Variants in FHIT observed in about 807,000 individuals in gnomAD.
The protein encoded by FHIT is bis(5'-adenosyl)-triphosphatase.
FHIT carries 19 observed loss-of-function variants against 17.9 expected under a neutral mutation model. The observed-to-expected ratio is 1.06, with a 90% CI of 0.74 to 1.56. The LOEUF is 1.56. Ranked by LOEUF, FHIT falls within the 40% of genes most tolerant of loss-of-function variation. The pLI is 0.00. For missense variants in FHIT, 248 were observed against 189.2 expected (o/e 1.31, Z -1.82); for synonymous variants, 81 against 69.7 (o/e 1.16, Z -0.81).
At chr3:61,187,495 A>C (rs1367474789) in intron 2 of FHIT, among the ~76,000 whole-genome samples, 2 of 152,174 alleles carry the variant, frequency 1.3e-5, no homozygotes, top group African/African-American at 4.8e-5. Flanking sequence ...GACTTTAAAA[A>C]CCCACTGTCA....
intron 5 of FHIT, chr3:60,535,933 C>T (rs1402273266): frequency 1.3e-5 from 2 of 151,952 alleles, no homozygotes; most frequent in Non-Finnish European, 2.9e-5. Context: ...AACCTCTTGG[C>T]ATATTTGTAC....
intron 4 of FHIT, among the ~76,000 whole-genome samples, chr3:60,717,347 T>C (rs2107954495): frequency 6.6e-6 from 1 of 152,318 alleles, no homozygotes; most frequent in African/African-American, 2.4e-5. Context: ...ATTTATGAGA[T>C]GATGGATATG....
chr3:59,806,617 A>G (rs1401570546), intron 8 of FHIT, among the ~76,000 whole-genome samples: 5 of 145,786 alleles, frequency 3.4e-5, no homozygotes, highest in Non-Finnish European at 7.6e-5. Flanking sequence ...TCATATATAT[A>G]TATATGGGTA....
At chr3:60,099,259 A>G (rs903381362) in intron 5 of FHIT, among the ~76,000 whole-genome samples, 2 of 152,160 alleles carry the variant, frequency 1.3e-5, no homozygotes, top group South Asian at 2.1e-4. Context: ...ACCAACCAAG[A>G]ATTTTTAACA....
intron 3 of FHIT, among the ~76,000 whole-genome samples, chr3:60,926,690 G>A (rs1553770039): frequency 6.6e-6 from 1 of 152,172 alleles, no homozygotes; most frequent in East Asian, 1.9e-4. Context: ...CAGAAGGCAA[G>A]CAATAACTAA....
chr3:60,724,821 G>A (rs2041884621), intron 4 of FHIT, among the ~76,000 whole-genome samples: 1 of 151,858 alleles, frequency 6.6e-6, no homozygotes, highest in South Asian at 2.1e-4. Context: ...GCTAATTTTT[G>A]TCATTTTAGT....
intron 6 of FHIT, among the ~76,000 whole-genome samples, chr3:60,011,977 A>G (rs1462241726): frequency 6.6e-6 from 1 of 152,200 alleles, no homozygotes; most frequent in African/African-American, 2.4e-5. Flanking sequence ...GTCACCAGCC[A>G]TAATATAAAG....
chr3:61,115,867 A>C (rs2036285819), intron 2 of FHIT, among the ~76,000 whole-genome samples: 1 of 152,182 alleles, frequency 6.6e-6, no homozygotes, highest in African/African-American at 2.4e-5. Context: ...GCAAGAATGA[A>C]GCAATAGTGG....
At chr3:60,563,473 A>G (rs747351474) in intron 4 of FHIT, among the ~76,000 whole-genome samples, 9 of 152,240 alleles carry the variant, frequency 5.9e-5, no homozygotes, top group Non-Finnish European at 2.9e-5. Context: ...AGTAGAAACG[A>G]TAAAGCTTAG....
At chr3:60,929,095 A>G (rs1179930595) in intron 3 of FHIT, among the ~76,000 whole-genome samples, 1 of 152,222 alleles carries the variant, frequency 6.6e-6, no homozygotes, top group East Asian at 1.9e-4. Context: ...CAACATATAA[A>G]CAGAACCAAC....
intron 5 of FHIT, among the ~76,000 whole-genome samples, chr3:60,173,767 C>T (rs1448197687): frequency 6.6e-6 from 1 of 150,960 alleles, no homozygotes; most frequent in Non-Finnish European, 1.5e-5. Context: ...TCTGGGTTTT[C>T]CCTCTTTCTC....
chr3:60,428,947 C>G (rs1287657210), intron 5 of FHIT, among the ~76,000 whole-genome samples: 3 of 152,086 alleles, frequency 2.0e-5, no homozygotes, highest in African/African-American at 7.2e-5. Context: ...TGACAACTTT[C>G]AGTTACTCTG....
At chr3:60,793,666 T>TAGAACAGGGAAAGGCAAGAAGC (rs1553729284) in intron 4 of FHIT, among the ~76,000 whole-genome samples, 1 of 151,914 alleles carries the variant, frequency 6.6e-6, no homozygotes, top group African/African-American at 2.4e-5. Flanking sequence ...TGGCAAGAAG[T>TAGAACAGGGAAAGGCAAGAAGC]AGAACAGGGA....
chr3:60,012,059 G>C (rs973043787), intron 6 of FHIT, among the ~76,000 whole-genome samples: 2 of 152,054 alleles, frequency 1.3e-5, no homozygotes, highest in Non-Finnish European at 2.9e-5. Flanking sequence ...TTCCAAAATA[G>C]AATTTCACCT....
intron 2 of FHIT, among the ~76,000 whole-genome samples, chr3:61,101,911 T>C (rs186596361): frequency 1.4e-3 from 210 of 152,342 alleles, no homozygotes; most frequent in Non-Finnish European, 2.2e-3. Context: ...TTTTCTATCC[T>C]GAGACTTTGC....
At chr3:59,981,088 C>CA (rs375671375) in intron 7 of FHIT, among the ~76,000 whole-genome samples, 3 of 151,540 alleles carry the variant, frequency 2.0e-5, no homozygotes, top group East Asian at 1.9e-4. Flanking sequence ...CCACCACCAA[C>CA]AAAAAAAACA....
chr3:61,125,888 C>T (rs1576061974), intron 2 of FHIT, among the ~76,000 whole-genome samples: 6 of 152,126 alleles, frequency 3.9e-5, no homozygotes, highest in Admixed American at 3.9e-4. Context: ...TATAGTATGC[C>T]CTTGACATAT....
chr3:61,222,743 A>C (rs1265492583), intron 1 of FHIT, among the ~76,000 whole-genome samples: 1 of 152,200 alleles, frequency 6.6e-6, no homozygotes, highest in Non-Finnish European at 1.5e-5. Context: ...TCAGTCCGGC[A>C]ACTCTGAAAT....
At chr3:60,521,247 AG>A (rs1353352228) in intron 5 of FHIT, among the ~76,000 whole-genome samples, 3 of 99,550 alleles carry the variant, frequency 3.0e-5, no homozygotes, top group African/African-American at 1.2e-4. Flanking sequence ...AAAAAAAATA[AG>A]TATTATTATT....
Sources: allele counts gnomAD v4.1 joint callset (sites outside exome capture counted in the v4.1 genomes callset), GRCh38; gene constraint gnomAD v4.1.1; transcripts MANE v1.5; gene names NCBI Gene and HGNC (gene_info 2026-07-23, HGNC 2026-07-21).